The following PTPRD variants were observed in gnomAD, a reference collection of about 807,000 sequenced individuals.
The protein encoded by PTPRD is receptor-type tyrosine-protein phosphatase delta.
PTPRD carries 34 observed loss-of-function variants against 214.5 expected under a neutral mutation model. That is an observed-to-expected ratio of 0.16 (90% CI 0.12 to 0.21). The LOEUF (loss-of-function observed/expected upper bound fraction) is 0.21. Ranked by LOEUF, PTPRD falls within the 10% of genes least tolerant of loss-of-function variation. PTPRD has a pLI of 1.00. For synonymous variants in PTPRD, 1,128 were observed against 845.7 expected, an observed-to-expected ratio of 1.33 and a Z score of -5.79; for missense variants, 2,545 against 2,398.7, an observed-to-expected ratio of 1.06 and a Z score of -1.27.
At chr9:8,358,080 G>A (rs759264480) in intron 39 of PTPRD, among the ~76,000 whole-genome samples, 1 of 152,116 alleles carries the variant, frequency 6.6e-6, no homozygotes, top group African/African-American at 2.4e-5. Flanking sequence ...TTTGGATTGT[G>A]ACACTTCTAC....
chr9:8,527,808 G>C (rs1235616573), intron 15 of PTPRD, among the ~76,000 whole-genome samples: 2 of 152,016 alleles, frequency 1.3e-5, no homozygotes, highest in African/African-American at 4.8e-5. Context: ...TAAAGAGAGA[G>C]AGAAAACAGC....
At chr9:10,546,421 G>A (rs1216674938) in intron 2 of PTPRD, among the ~76,000 whole-genome samples, 1 of 151,998 alleles carries the variant, frequency 6.6e-6, no homozygotes, top group African/African-American at 2.4e-5. Context: ...AAAAGCCTCA[G>A]CAAACTTTAG....
chr9:10,302,867 A>G (rs976131833), intron 3 of PTPRD, among the ~76,000 whole-genome samples: 1 of 152,200 alleles, frequency 6.6e-6, no homozygotes, highest in African/African-American at 2.4e-5. Context: ...CAGAAAATTA[A>G]CAAGGATATT....
At chr9:10,339,581 A>G (rs2154442764) in intron 3 of PTPRD, among the ~76,000 whole-genome samples, 1 of 151,878 alleles carries the variant, frequency 6.6e-6, no homozygotes, top group Non-Finnish European at 1.5e-5. Flanking sequence ...TCGGCAAGAT[A>G]GAAAGGGAAT....
intron 2 of PTPRD, among the ~76,000 whole-genome samples, chr9:10,455,955 GTTC>G (rs1430352888): frequency 6.6e-6 from 1 of 151,644 alleles, no homozygotes; most frequent in Non-Finnish European, 1.5e-5. Context: ...CTAATCCCTT[GTTC>G]TTCTATTTCT....
intron 11 of PTPRD, among the ~76,000 whole-genome samples, chr9:8,986,676 T>G (rs1259150964): frequency 6.6e-6 from 1 of 152,034 alleles, no homozygotes; most frequent in African/African-American, 2.4e-5. Context: ...GAACACAAAT[T>G]TTGTAAAAAC....
chr9:9,945,130 T>A (rs1160248350), intron 4 of PTPRD, among the ~76,000 whole-genome samples: 1 of 152,110 alleles, frequency 6.6e-6, no homozygotes, highest in African/African-American at 2.4e-5. Context: ...GAGGTTACCA[T>A]TTTTCAGTTA....
At position 8,780,787 on chromosome 9, in the gene PTPRD, C is replaced by G. The variant is rs77310351; in HGVS notation, c.-103-46841G>C. 9.8e-3 allele frequency among the ~76,000 whole-genome samples: 1,488 copies of G among 152,264 alleles called. 16 individuals are homozygous for G. The highest frequency in any genetic ancestry group is 0.034 in the African/African-American group (1,411 of 41,546). On this transcript the variant is annotated intron_variant, in intron 11 of 45. Transcript: ENST00000381196. ...AAGAAACAAATAAGTCATCCTTAAA[C>G]CCCAGTTTATAGATGCCAGAAAAGG...
chr9:10,013,845 G>T (rs1015730442), intron 4 of PTPRD, among the ~76,000 whole-genome samples: 1 of 151,778 alleles, frequency 6.6e-6, no homozygotes, highest in Non-Finnish European at 1.5e-5. Context: ...TGATATTCTT[G>T]GTTAATATGC....
chr9:8,687,446 G>A (rs1240689040), intron 12 of PTPRD, among the ~76,000 whole-genome samples: 8 of 152,168 alleles, frequency 5.3e-5, no homozygotes, highest in African/African-American at 1.7e-4. Flanking sequence ...AACACAAACC[G>A]TATGTTCCAG....
chr9:9,185,652 A>G (rs1304027646), intron 9 of PTPRD, among the ~76,000 whole-genome samples: 2 of 152,096 alleles, frequency 1.3e-5, no homozygotes, highest in Admixed American at 6.6e-5. Context: ...TTTGATCTGA[A>G]GTAGAAAATC....
intron 39 of PTPRD, among the ~76,000 whole-genome samples, chr9:8,356,226 C>G (rs1469102962): frequency 6.6e-6 from 1 of 152,168 alleles, no homozygotes; most frequent in East Asian, 1.9e-4. Flanking sequence ...TTGCAAGAAA[C>G]AACCCCAAAT....
intron 2 of PTPRD, among the ~76,000 whole-genome samples, chr9:10,346,731 G>A (rs2097090814): frequency 6.6e-6 from 1 of 152,080 alleles, no homozygotes; most frequent in African/African-American, 2.4e-5. Context: ...AGGATATCTT[G>A]TTTTCCTGTA....
At chr9:9,196,212 A>G (rs2099938518) in intron 9 of PTPRD, among the ~76,000 whole-genome samples, 1 of 152,194 alleles carries the variant, frequency 6.6e-6, no homozygotes, top group Non-Finnish European at 1.5e-5. Flanking sequence ...AGTAATTACT[A>G]TTACCAATAT....
intron 9 of PTPRD, among the ~76,000 whole-genome samples, chr9:9,224,082 C>G (rs575353127): frequency 6.6e-6 from 1 of 152,010 alleles, no homozygotes; most frequent in South Asian, 2.1e-4. Flanking sequence ...AAAGACTACT[C>G]AAAGATTAAC....
At chr9:9,929,159 T>C (rs1473734868) in intron 5 of PTPRD, among the ~76,000 whole-genome samples, 1 of 152,166 alleles carries the variant, frequency 6.6e-6, no homozygotes, top group Non-Finnish European at 1.5e-5. Flanking sequence ...TTAGTGTTTG[T>C]TAGCTCCCAC....
chr9:10,106,042 A>AAT (rs2098629058), intron 3 of PTPRD, among the ~76,000 whole-genome samples: 1 of 144,144 alleles, frequency 6.9e-6, no homozygotes, highest in African/African-American at 2.5e-5. Context: ...AAAAAAGGAC[A>AAT]TTCTTTTGTA....
At chr9:10,029,845 G>A (rs75430622) in intron 4 of PTPRD, among the ~76,000 whole-genome samples, 113 of 152,228 alleles carry the variant, frequency 7.4e-4, no homozygotes, top group African/African-American at 2.6e-3. Context: ...AGATTTGGGA[G>A]GGGCCAGGGA....
intron 9 of PTPRD, among the ~76,000 whole-genome samples, chr9:9,275,110 ATATATATATTATATATAT>A (rs1260315152): frequency 7.8e-5 from 5 of 63,762 alleles, no homozygotes; most frequent in African/African-American, 3.4e-4. Flanking sequence ...ATAATATATT[ATATATATATTATATATAT>A]TATATATAAT....
Sources: allele counts gnomAD v4.1 joint callset (sites outside exome capture counted in the v4.1 genomes callset), GRCh38; gene constraint gnomAD v4.1.1; transcripts MANE v1.5; gene names NCBI Gene and HGNC (gene_info 2026-07-23, HGNC 2026-07-21).